The following NPEPL1 variants were observed in gnomAD, a reference collection of about 807,000 sequenced individuals.
The protein encoded by NPEPL1 is probable aminopeptidase NPEPL1.
NPEPL1 carries 45 observed loss-of-function variants against 52.4 expected under a neutral mutation model. That is an observed-to-expected ratio of 0.86 (90% confidence interval 0.68 to 1.10). NPEPL1 has a LOEUF of 1.10. NPEPL1 is among the 50% of genes least tolerant of loss of function. The pLI is 0.00. For missense variants in NPEPL1, 696 were observed against 710.9 expected (o/e 0.98, Z 0.24); for synonymous variants, 360 against 314.7 (o/e 1.14, Z -1.52).
At chr20:58,694,981 GTATGTGTGGGGGGTGT>G in intron 3 of NPEPL1, among the ~76,000 whole-genome samples, 1 of 24,708 alleles carries the variant, frequency 4.0e-5, no homozygotes, top group Non-Finnish European at 9.6e-5. Context: ...TGCATGTGTT[GTATGTGTGGGGGGTGT>G]GTGTGTGCAT....
chr20:58,714,987 C>T, intron 11 of NPEPL1, 181 bp from the exon 12 acceptor site: 1 of 720,182 alleles, frequency 1.4e-6, no homozygotes, highest in South Asian at 1.9e-5. Context: ...GGCCTGCCAG[C>T]CCTGAACGTG....
chr20:58,710,184 G>A (rs1568859079), intron 7 of NPEPL1, among the ~76,000 whole-genome samples: 1 of 151,880 alleles, frequency 6.6e-6, no homozygotes, highest in South Asian at 2.1e-4. Flanking sequence ...ACAGGCATGT[G>A]CCACCACCCT....
rs372489903 is a variant in NPEPL1 at position 58,714,748 on chromosome 20, G to A, written c.1413+78G>A. ...ACAGCGCCCCTCTGGCTCTGGAGCT[G>A]CTGGCAGAGCTCATCAGAAACTTCT... On this transcript the variant is annotated intron_variant, in intron 11 of 11. Coordinates refer to ENST00000356091, the MANE Select transcript of NPEPL1 (RefSeq NM_024663.4). 92 of 1,121,678 alleles carry A rather than the reference G, an allele frequency of 8.2e-5. No homozygotes were observed. In the Middle Eastern group the frequency reaches 1.8e-3, roughly 22 times the overall value. 69.5% of individuals were successfully genotyped at this position (1,121,678 alleles called of 1,614,324 possible).
At chr20:58,699,661 C>T (rs2084571791) in intron 5 of NPEPL1, among the ~76,000 whole-genome samples, 1 of 152,228 alleles carries the variant, frequency 6.6e-6, no homozygotes, top group South Asian at 2.1e-4. Context: ...CTCTCCCTAT[C>T]TGGAATACTT....
intron 3 of NPEPL1, among the ~76,000 whole-genome samples, chr20:58,696,721 G>A (rs1327441933): frequency 6.6e-6 from 1 of 152,254 alleles, no homozygotes; most frequent in Non-Finnish European, 1.5e-5. Flanking sequence ...ACATCTGGGT[G>A]TGTGCAAGGT....
intron 2 of NPEPL1, 33 bp downstream of exon 2, chr20:58,693,955 T>G (rs756468229): frequency 3.4e-5 from 52 of 1,523,410 alleles, no homozygotes; most frequent in Non-Finnish European, 4.3e-5. Context: ...GCCACGGTGC[T>G]CCTAGTCGGG....
chr20:58,704,596 T>C (rs1299284319), intron 6 of NPEPL1, among the ~76,000 whole-genome samples: 2 of 152,384 alleles, frequency 1.3e-5, no homozygotes, highest in Non-Finnish European at 1.5e-5. Flanking sequence ...AGCATTGTTG[T>C]ACATTTTCAC....
At chr20:58,690,739 C>CT (rs1361800563), upstream of NPEPL1, among the ~76,000 whole-genome samples, 1 of 152,194 alleles carries the variant, frequency 6.6e-6, no homozygotes, top group African/African-American at 2.4e-5. Context: ...TTTCTGGGGA[C>CT]TGTCAGGGTT....
intron 4 of NPEPL1, 32 bp downstream of exon 4, chr20:58,698,805 C>T: frequency 6.3e-7 from 1 of 1,586,546 alleles, no homozygotes; most frequent in Non-Finnish European, 8.6e-7. Flanking sequence ...GGGGTGGGAC[C>T]AGGCTGGGGT....
intron 2 of NPEPL1, 119 bp downstream of exon 2, chr20:58,694,041 A>G (rs1360463932): frequency 3.0e-6 from 3 of 996,678 alleles, no homozygotes; most frequent in East Asian, 5.3e-5. Context: ...TGTGGACGTT[A>G]TCATCCCTGC....
At chr20:58,711,150 G>T (rs1202805887) in intron 7 of NPEPL1, 11 of 111,148 alleles carry the variant, frequency 9.9e-5, no homozygotes, top group Admixed American at 4.1e-4. Context: ...GCCCCAGCAG[G>T]CTACAGATCC....
At chr20:58,712,833 G>C in intron 8 of NPEPL1, 1 of 586,454 alleles carries the variant, frequency 1.7e-6, no homozygotes, top group Non-Finnish European at 3.2e-6. Context: ...GGTCTACCCT[G>C]CATTACCAGG....
At position 58,713,537 on chromosome 20, in the gene NPEPL1, G is replaced by T. The variant is rs763822945; in HGVS notation, c.1119G>T (p.Gly373=). The T allele has an allele frequency of 1.2e-6, 2 of 1,604,266 alleles. No homozygotes were observed. The highest frequency in any genetic ancestry group is 1.7e-6 in the Non-Finnish European group (2 of 1,174,476). Residue 373 remains glycine, a synonymous_variant, in exon 9 of 12, where the codon GGG becomes GGT. Transcript: ENST00000356091. The surrounding 1 kb of genome is among the most constrained non-coding windows in gnomAD (Gnocchi z 4.6). ...TCCTGGACATGGCCACCCTGACCGG[G>T]GCTCAGGTGAGTGCTCCCTGGATCC... The part of the protein sequence containing the change: ...DIILDMATLT[G]AQGIATGKYH...
chr20:58,699,175 T>C, intron 4 of NPEPL1, 22 bp from the exon 5 acceptor site: 2 of 1,571,282 alleles, frequency 1.3e-6, no homozygotes, highest in South Asian at 2.3e-5. Context: ...TGTGCTGTTG[T>C]TTTTTCCATG....
At chr20:58,706,678 C>T (rs987463137) in intron 6 of NPEPL1, among the ~76,000 whole-genome samples, 2 of 127,454 alleles carry the variant, frequency 1.6e-5, no homozygotes, top group Non-Finnish European at 3.1e-5. Context: ...TCACGCTGTG[C>T]GGAGGAGTGG....
At position 58,693,791 on chromosome 20, in the gene NPEPL1, C is replaced by G; in HGVS notation, c.205C>G (p.Leu69Val). Residue 69 changes from leucine (L) to valine (V), a missense_variant, in exon 2 of 12, where the codon CTC (leucine) becomes GTC (valine). By Grantham distance (32) the Leu-to-Val change is conservative (BLOSUM62 1). Coordinates refer to ENST00000356091, the MANE Select transcript of NPEPL1 (RefSeq NM_024663.4). ...LNPNPTDSCP[L>V]YLNYATVAAL... ...CCCCAACCCCACGGACAGCTGTCCC[C>G]TCTACCTGAACTACGCCACCGTGGC... 6.2e-7 allele frequency: 1 copy of G among 1,613,842 alleles called. No homozygotes were observed. The highest frequency in any genetic ancestry group is 8.5e-7 in the Non-Finnish European group (1 of 1,179,762).
In NPEPL1 at chr20:58,693,895, G is replaced by T. The variant is rs1264759046; in HGVS notation, c.309G>T (p.Leu103=). ...HFITRLVRTC[L]PPGAHRCIVM... ...TCACGCGGCTGGTGCGGACCTGCCT[G>T]CCGCCCGGAGCGCATCGCTGCATTG... Residue 103 remains leucine, a synonymous_variant, in exon 2 of 12, where the codon CTG becomes CTT. Transcript: ENST00000356091. 2 of 1,610,242 alleles carry T rather than the reference G, an allele frequency of 1.2e-6. No homozygotes were observed. The highest frequency in any genetic ancestry group is 1.7e-6 in the Non-Finnish European group (2 of 1,178,102).
chr20:58,712,883 T>G (rs1391730831), intron 8 of NPEPL1: 4 of 449,178 alleles, frequency 8.9e-6, no homozygotes, highest in Non-Finnish European at 1.7e-5. Context: ...TCTTTGGGTG[T>G]GTGAAGCTCT....
At chr20:58,712,325 C>T (rs957470638) in intron 7 of NPEPL1, among the ~76,000 whole-genome samples, 154 bp from the exon 8 acceptor site, 1 of 152,122 alleles carries the variant, frequency 6.6e-6, no homozygotes, top group African/African-American at 2.4e-5. Flanking sequence ...CAGGACTGTA[C>T]CCGGGATGGC....
Sources: gnomAD v4.1 joint callset for allele counts (sites outside exome capture counted in the v4.1 genomes callset) on GRCh38, gnomAD v4.1.1 for gene constraint, Gnocchi (gnomAD v3.1) non-coding constraint, MANE v1.5 for transcripts, NCBI Gene and HGNC (gene_info 2026-07-23, HGNC 2026-07-21) for gene names.